Variants in ANKEF1 observed in about 807,000 individuals in gnomAD.
ANKEF1 encodes the protein ankyrin repeat and EF-hand domain-containing protein 1.
In ANKEF1, 43 loss-of-function variants were observed where a neutral mutation model predicts 65.1. The ratio of observed to expected loss-of-function variants is 0.66; its 90% CI spans 0.52 to 0.85. The LOEUF is 0.85. Among genes scored for constraint, ANKEF1 ranks in the 40% least tolerant of loss-of-function variants. The pLI is 0.00. For synonymous variants in ANKEF1, 316 were observed against 341.5 expected (o/e 0.93, Z 0.82); for missense variants, 934 against 952.9 (o/e 0.98, Z 0.26).
intron 6 of ANKEF1, among the ~76,000 whole-genome samples, chr20:10,047,546 C>T (rs1390107482): frequency 6.6e-6 from 1 of 152,188 alleles, no homozygotes; most frequent in Non-Finnish European, 1.5e-5. Flanking sequence ...TCATTTCTCA[C>T]ATTTCCTCAT....
intron 6 of ANKEF1, 46 bp from the exon 7 acceptor site, chr20:10,049,344 C>A (rs1984695460): frequency 6.6e-7 from 1 of 1,515,978 alleles, no homozygotes; most frequent in South Asian, 1.3e-5. Context: ...TATAGCCATG[C>A]AAATGCCTTG....
At chr20:10,046,884 T>G (rs1415934037) in intron 6 of ANKEF1, among the ~76,000 whole-genome samples, 1 of 152,200 alleles carries the variant, frequency 6.6e-6, no homozygotes, top group Non-Finnish European at 1.5e-5. Context: ...TTTACTTGTA[T>G]GAATGTATAC....
At chr20:10,038,969 C>CAA (rs1426660620) in intron 3 of ANKEF1, among the ~76,000 whole-genome samples, 1 of 152,150 alleles carries the variant, frequency 6.6e-6, no homozygotes, top group Non-Finnish European at 1.5e-5. Flanking sequence ...TTCTTTAAAA[C>CAA]AAAGATGAAG....
intron 8 of ANKEF1, among the ~76,000 whole-genome samples, chr20:10,052,495 A>G (rs1197623203): frequency 6.6e-6 from 1 of 152,186 alleles, no homozygotes; most frequent in African/African-American, 2.4e-5. Context: ...AAAATTAAAA[A>G]ATCATTTGAA....
chr20:10,036,451 A>G (rs1983864638), intron 2 of ANKEF1, among the ~76,000 whole-genome samples: 1 of 152,068 alleles, frequency 6.6e-6, no homozygotes, highest in Non-Finnish European at 1.5e-5. Context: ...ATAGCAGCTA[A>G]GGTGAGTGTC....
intron 10 of ANKEF1, among the ~76,000 whole-genome samples, chr20:10,055,053 G>T (rs1188508469): frequency 6.6e-6 from 1 of 152,122 alleles, no homozygotes; most frequent in Non-Finnish European, 1.5e-5. Context: ...TTGGAGAAAA[G>T]AGTTGTCTTT....
Position 10,056,496 on chromosome 20 carries a change from T to A in ANKEF1, c.*836T>A, listed in dbSNP as rs201445460. 1 of 143,714 alleles carries A rather than the reference T, an allele frequency of 7.0e-6. No individual in the cohort carries two copies. The allele number at this position is 143,714 out of a possible 1,614,324, so 8.9% of individuals were successfully genotyped here. ...GATAGATGATAGATAGATAGATAGATGATAGATAGATAGATAGATAGATAG... is the reference window on the plus strand; with the variant it reads ...GATAGATGATAGATAGATAGATAGAAGATAGATAGATAGATAGATAGATAG... On this transcript the variant is annotated 3_prime_UTR_variant, in exon 11 of 11. Coordinates refer to ENST00000378392, the MANE Select transcript of ANKEF1 (RefSeq NM_022096.6).
rs149772572 is a variant in ANKEF1 at position 10,055,588 on chromosome 20, C to A, written c.2259C>A (p.Asp753Glu). 6.2e-7 allele frequency: 1 copy of A among 1,613,606 alleles called. No homozygotes were observed. Among genetic ancestry groups the A allele is most frequent in the Non-Finnish European group, 8.5e-7 (1 of 1,179,788 alleles). ...GGTTTACACATGAGGTGGACTTCGA[C>A]GATTTTATGATGCCTTTTCAGAAGA... ...RERFTHEVDFDDFMMPFQKNI... is the reference protein window; with the variant it reads ...RERFTHEVDFEDFMMPFQKNI... Residue 753 changes from aspartate (D) to glutamate (E), a missense_variant, in exon 11 of 11, where the codon GAC becomes GAA. Asp to Glu is a conservative substitution (Grantham distance 45). Transcript: ENST00000378392.
intron 6 of ANKEF1, among the ~76,000 whole-genome samples, chr20:10,048,282 A>G (rs1270883147): frequency 6.7e-6 from 1 of 148,778 alleles, no homozygotes; most frequent in African/African-American, 2.5e-5. Context: ...TTTACTTTTT[A>G]TTTTTTTGAT....
intron 9 of ANKEF1, among the ~76,000 whole-genome samples, chr20:10,053,809 TG>T (rs1420899590): frequency 3.3e-5 from 5 of 152,180 alleles, no homozygotes; most frequent in African/African-American, 1.2e-4. Flanking sequence ...TCCTGCAAAA[TG>T]GTTGTAGGTT....
At position 10,056,435 on chromosome 20, in the gene ANKEF1, A is replaced by G. The variant is rs1985152315; in HGVS notation, c.*775A>G. ...CTGACAGCTAGGTATCTAGCTAGCT[A>G]GAAAGGCAGATAGACAGATATATAG... On this transcript the variant is annotated 3_prime_UTR_variant, in exon 11 of 11. Coordinates refer to ENST00000378392, the MANE Select transcript of ANKEF1 (RefSeq NM_022096.6). 6.6e-6 allele frequency: 1 copy of G among 150,604 alleles called. No individual in the cohort carries two copies. Among genetic ancestry groups the G allele is most frequent in the Non-Finnish European group, 1.5e-5 (1 of 67,632 alleles). The allele number at this position is 150,604 out of a possible 1,614,324, so 9.3% of individuals were successfully genotyped here. A position where few individuals can be genotyped will look rare whatever the true frequency, so the allele number is the denominator to read the frequency against.
chr20:10,056,471 G>GATAT lies in ANKEF1; in HGVS notation c.*814_*815insTATA, dbSNP rs1207534868. ...TAGACAGATATATAGATGATAGATAGATAGATGATAGATAGATAGATAGAT... is the reference window on the plus strand; with the variant it reads ...TAGACAGATATATAGATGATAGATAGATATATAGATGATAGATAGATAGATAGAT... On this transcript the variant is annotated 3_prime_UTR_variant, in exon 11 of 11. Transcript: ENST00000378392. The GATAT allele has an allele frequency of 6.9e-6, 1 of 145,332 alleles. No individual in the cohort carries two copies. The highest frequency in any genetic ancestry group is 1.5e-5 in the Non-Finnish European group (1 of 66,710). 9.0% of individuals were successfully genotyped at this position (145,332 alleles called of 1,614,324 possible).
In ANKEF1 at chr20:10,050,019, TG is replaced by T; in HGVS notation, c.1452del (p.Trp484CysfsTer25). On this transcript the variant is annotated frameshift_variant, in exon 7 of 11. Transcript: ENST00000378392. LOFTEE classifies it high-confidence loss of function. The part of the protein sequence containing the change: ...PEHPIQDDSV[W>X]YIDDSEKVFS... The stretch of plus-strand genomic sequence containing the variant: ...ACATCCCATTCAGGATGACTCTGTT[TG>T]GTACATTGATGATTCAGAGAAGGTA... 1 of 1,614,164 alleles carries T rather than the reference TG, an allele frequency of 6.2e-7. No individual in the cohort carries two copies. The highest frequency in any genetic ancestry group is 8.5e-7 in the Non-Finnish European group (1 of 1,180,016).
intron 3 of ANKEF1, 38 bp from the exon 4 acceptor site, chr20:10,043,084 G>A: frequency 1.9e-6 from 3 of 1,586,104 alleles, no homozygotes; most frequent in Non-Finnish European, 2.6e-6. Context: ...AATATGTATA[G>A]ATGTTAAATA....
Position 10,053,245 on chromosome 20 carries a change from G to A in ANKEF1, c.2004G>A (p.Lys668=). The change falls in exon 9 of 11, where the codon AAG becomes AAA. Residue 668 remains lysine, a synonymous_variant. Transcript: ENST00000378392. The part of the protein sequence containing the change: ...KLKGKTPPIL[K]TEGPEIKKEE... Reference sequence around the variant, plus strand: ...AAGGCAAGACACCTCCTATACTGAAGACTGAAGGCCCTGAAATTAAGAAAG... The same window carrying A: ...AAGGCAAGACACCTCCTATACTGAAAACTGAAGGCCCTGAAATTAAGAAAG... 2 of 1,602,222 alleles carry A rather than the reference G, an allele frequency of 1.2e-6. No individual in the cohort carries two copies. The highest frequency in any genetic ancestry group is 1.7e-6 in the Non-Finnish European group (2 of 1,176,982).
chr20:10,053,993 A>T (rs1985010651), intron 9 of ANKEF1, among the ~76,000 whole-genome samples: 1 of 152,012 alleles, frequency 6.6e-6, no homozygotes, highest in South Asian at 2.1e-4. Flanking sequence ...TCTACTGGAG[A>T]CTCTTGGCTG....
At chr20:10,046,585 TATTA>T (rs1235606175) in intron 6 of ANKEF1, among the ~76,000 whole-genome samples, 1 of 81,554 alleles carries the variant, frequency 1.2e-5, no homozygotes, top group Non-Finnish European at 2.5e-5. Context: ...AAAATGAAAA[TATTA>T]ATTATATTTA....
intron 2 of ANKEF1, among the ~76,000 whole-genome samples, chr20:10,036,186 C>T (rs967781301): frequency 2.0e-5 from 3 of 152,296 alleles, no homozygotes; most frequent in Non-Finnish European, 2.9e-5. Flanking sequence ...CACAGGAAAC[C>T]GACCCATGGA....
At chr20:10,049,326 G>A in intron 6 of ANKEF1, 64 bp from the exon 7 acceptor site, 1 of 1,417,356 alleles carries the variant, frequency 7.1e-7, no homozygotes, top group Non-Finnish European at 9.6e-7. Context: ...AGTTGGATGA[G>A]TGTCACTTAT....
Sources: allele counts gnomAD v4.1 joint callset (sites outside exome capture counted in the v4.1 genomes callset), GRCh38; gene constraint gnomAD v4.1.1; transcripts MANE v1.5; gene names NCBI Gene and HGNC (gene_info 2026-07-23, HGNC 2026-07-21).